Variants in SLF2 observed in about 807,000 individuals in gnomAD.
SLF2 encodes SMC5/6 complex localization factor 2.
A neutral mutation model predicts 124.3 loss-of-function variants in SLF2; 68 were observed. The ratio of observed to expected loss-of-function variants is 0.55; its 90% CI spans 0.45 to 0.67. The LOEUF is 0.67. Ranked by LOEUF, SLF2 falls within the 30% of genes least tolerant of loss-of-function variation. The pLI is 0.00. For synonymous variants in SLF2, 480 were observed against 478.8 expected, an observed-to-expected ratio of 1.00 and a Z score of -0.03; for missense variants, 1,246 against 1,373.7, an observed-to-expected ratio of 0.91 and a Z score of 1.47.
chr10:100,937,596 T>A, intron 10 of SLF2, 119 bp downstream of exon 10: 1 of 736,482 alleles, frequency 1.4e-6, no homozygotes, highest in Non-Finnish European at 2.2e-6. Context: ...ATTATTTTTC[T>A]AATCAAAAGT....
In SLF2 at chr10:100,924,781, A is replaced by G; in HGVS notation, c.1780A>G (p.Lys594Glu). 2 of 1,614,190 alleles carry G rather than the reference A, an allele frequency of 1.2e-6. No homozygotes were observed. The highest frequency in any genetic ancestry group is 1.7e-6 in the Non-Finnish European group (2 of 1,180,034). ...TTCCAATGCAGGTAGCAGTGCACTG[A>G]AAAGAAAACTAAGGGGTGATTTTGA... is the stretch of plus-strand genomic sequence containing the variant. ...GNSNAGSSAL[K>E]RKLRGDFDSD... The change falls in exon 5 of 20, where the codon AAA (lysine) becomes GAA (glutamate). Residue 594 changes from lysine to glutamate, a missense_variant. Lys to Glu is a moderately conservative substitution (Grantham distance 56). Coordinates refer to ENST00000238961, the MANE Select transcript of SLF2 (RefSeq NM_018121.4).
At chr10:100,918,683 A>G (rs1849467244) in intron 4 of SLF2, among the ~76,000 whole-genome samples, 1 of 151,820 alleles carries the variant, frequency 6.6e-6, no homozygotes, top group Non-Finnish European at 1.5e-5. Flanking sequence ...ATGCAGTGGC[A>G]TGATCACGAC....
chr10:100,913,200 T>A lies in SLF2; in HGVS notation c.90T>A (p.Gly30=). ...CCCCGCGCTGCCATCTGAGACCCGG[T>A]AGTACCGCCCATGCTGCAGCGGGAA... ...SSPPRCHLRP[G]STAHAAAGKR... is the part of the protein sequence containing the mutation. Residue 30 remains glycine, a synonymous_variant, in exon 1 of 20, where the codon GGT becomes GGA. Transcript: ENST00000238961. 6.2e-7 allele frequency: 1 copy of A among 1,612,574 alleles called. No homozygotes were observed. The highest frequency in any genetic ancestry group is 8.5e-7 in the Non-Finnish European group (1 of 1,179,458).
At position 100,947,115 on chromosome 10, in the gene SLF2, C is replaced by G; in HGVS notation, c.3011C>G (p.Pro1004Arg). ...HNLLWLVQLV[P>R]NWTSRGRQLR... ...CTCCTGTGGTTGGTACAGCTGGTCC[C>G]TAATTGGACATCACGTGGAAGGTAT... Residue 1004 changes from proline to arginine, a missense_variant, in exon 14 of 20, where the codon CCT becomes CGT. Transcript: ENST00000238961. The G allele has an allele frequency of 6.3e-7, 1 of 1,579,138 alleles. No homozygotes were observed. The highest frequency in any genetic ancestry group is 8.6e-7 in the Non-Finnish European group (1 of 1,166,288).
rs940430903 is a variant in SLF2, at chr10:100,963,839, A to G, written c.*1927A>G. The G allele has an allele frequency of 3.3e-5, 5 of 152,562 alleles. No homozygotes were observed. The highest frequency in any genetic ancestry group is 2.0e-4 in the Admixed American group (3 of 15,280). The allele number at this position is 152,562 out of a possible 1,614,324, so 9.5% of individuals were successfully genotyped here. A position where few individuals can be genotyped will look rare whatever the true frequency, so the allele number is the denominator to read the frequency against. On this transcript the variant is annotated 3_prime_UTR_variant, in exon 20 of 20. Coordinates refer to ENST00000238961, the MANE Select transcript of SLF2 (RefSeq NM_018121.4). Reference sequence around the variant, plus strand: ...AGTTTCAACAGATAACTGTCCATCAAATTTAAAACCACTTTGATACATTTT... The same window carrying G: ...AGTTTCAACAGATAACTGTCCATCAGATTTAAAACCACTTTGATACATTTT...
Position 100,962,714 on chromosome 10 carries a change from T to G in SLF2, c.*802T>G, listed in dbSNP as rs1309766752. The G allele has an allele frequency of 6.6e-6, 1 of 152,640 alleles. No homozygotes were observed. The highest frequency in any genetic ancestry group is 1.9e-4 in the East Asian group (1 of 5,202). 9.5% of individuals were successfully genotyped at this position (152,640 alleles called of 1,614,324 possible). On this transcript the variant is annotated 3_prime_UTR_variant, in exon 20 of 20. Transcript: ENST00000238961. ...GGCTATATCTTAGAATTCTGGCTCT[T>G]GGTAACCATATTACAGAAGTCTATA...
intron 9 of SLF2, among the ~76,000 whole-genome samples, 190 bp downstream of exon 9, chr10:100,931,268 T>C (rs970168390): frequency 6.6e-6 from 1 of 152,252 alleles, no homozygotes; most frequent in African/African-American, 2.4e-5. Flanking sequence ...ATGTAGATAG[T>C]TGTACAGGAC....
chr10:100,913,603 A>T, intron 1 of SLF2: 1 of 1,146,994 alleles, frequency 8.7e-7, no homozygotes, highest in Non-Finnish European at 1.1e-6. Context: ...AGTTCTACTG[A>T]TCCTAGTGGT....
intron 11 of SLF2, among the ~76,000 whole-genome samples, chr10:100,941,971 AG>A (rs1169790410): frequency 2.0e-5 from 3 of 152,344 alleles, no homozygotes; most frequent in Admixed American, 2.0e-4. Flanking sequence ...AAGTGAGAAA[AG>A]GAAGCTGCAA....
At chr10:100,958,962 G>A (rs147810262) in intron 18 of SLF2, among the ~76,000 whole-genome samples, 73 of 152,290 alleles carry the variant, frequency 4.8e-4, no homozygotes, top group East Asian at 3.3e-3. Context: ...GTGAATTTTG[G>A]ATCTTCTAAT....
intron 5 of SLF2, 48 bp from the exon 6 acceptor site, chr10:100,925,901 C>A: frequency 6.6e-7 from 1 of 1,506,990 alleles, no homozygotes; most frequent in Non-Finnish European, 8.9e-7. Context: ...CATCCCAGTT[C>A]TTCTACTAAG....
rs1849563433 is a variant in SLF2, at chr10:100,923,981, C to T, written c.980C>T (p.Ser327Phe). 1.3e-6 allele frequency: 2 copies of T among 1,537,638 alleles called. No homozygotes were observed. The change falls in exon 5 of 20, where the codon TCT (serine) becomes TTT (phenylalanine). Residue 327 changes from serine to phenylalanine, a missense_variant. This residue lies in a region of SLF2 where 698 missense variants were observed against 708.9 expected (regional missense o/e 0.98). Coordinates refer to ENST00000238961, the MANE Select transcript of SLF2 (RefSeq NM_018121.4). ...SDSWEPTSAG[S>F]KQNKFPEKRK... ...AACAAAAATTAAATTTTAGCAGGCT[C>T]TAAGCAGAATAAATTCCCTGAAAAA...
intron 2 of SLF2, 122 bp from the exon 3 acceptor site, chr10:100,916,448 G>T: frequency 2.5e-6 from 2 of 796,094 alleles, no homozygotes; most frequent in South Asian, 1.3e-4. Context: ...CAAGTTGTTG[G>T]TTTGAAAATT....
chr10:100,955,905 CAAA>C (rs56283306), intron 17 of SLF2, among the ~76,000 whole-genome samples: 21 of 136,648 alleles, frequency 1.5e-4, no homozygotes, highest in African/African-American at 1.6e-4. Flanking sequence ...GACTCTGTCT[CAAA>C]AAAAAAAAAA....
Position 100,918,353 on chromosome 10 carries a change from CTTAA to C in SLF2, c.916-24_916-21del, listed in dbSNP as rs769205928. 957 of 1,452,620 alleles carry C rather than the reference CTTAA, an allele frequency of 6.6e-4. 7 individuals carry two copies. The highest frequency in any genetic ancestry group is 4.7e-5 in the Non-Finnish European group (50 of 1,055,276). The allele number at this position is 1,452,620 out of a possible 1,614,324, so 90.0% of individuals were successfully genotyped here. On this transcript the variant is annotated intron_variant, in intron 3 of 19. Transcript: ENST00000238961. ...TTCACATTCTTTACTGTCCCCAACA[CTTAA>C]TTAATTTTATCTCATTGTGCTCATA...
chr10:100,924,288 A>G lies in SLF2; in HGVS notation c.1287A>G (p.Ala429=). ...GGAATAGTGACCAAATCCAAGTGGC[A>G]GGTACCAAGGAGACTAAGATGCAGA... ...STRNSDQIQV[A]GTKETKMQKP... Residue 429 remains alanine, a synonymous_variant, in exon 5 of 20, where the codon GCA becomes GCG. Transcript: ENST00000238961. 1 of 1,614,176 alleles carries G rather than the reference A, an allele frequency of 6.2e-7. No homozygotes were observed. Among genetic ancestry groups the G allele is most frequent in the South Asian group, 1.1e-5 (1 of 91,082 alleles).
chr10:100,919,846 G>A (rs1849493792), intron 4 of SLF2, among the ~76,000 whole-genome samples: 1 of 152,186 alleles, frequency 6.6e-6, no homozygotes. Flanking sequence ...TACTTTTAGA[G>A]ATGGAAAAGC....
rs370003340 is a variant in SLF2 at position 100,937,495 on chromosome 10, T to C, written c.2512+18T>C. 97 of 1,424,942 alleles carry C rather than the reference T, an allele frequency of 6.8e-5. No individual in the cohort carries two copies. The African/African-American group carries it at 1.1e-3, about 16-fold the overall frequency. The allele number at this position is 1,424,942 out of a possible 1,614,324, so 88.3% of individuals were successfully genotyped here. ...TAGAAATGGTAAGTATATCAACTTA[T>C]TAAGATTTACCGTGTGTATTATTGG... is the stretch of plus-strand genomic sequence containing the variant. On this transcript the variant is annotated intron_variant, in intron 10 of 19. Transcript: ENST00000238961.
At chr10:100,916,232 A>T (rs192940001) in intron 2 of SLF2, among the ~76,000 whole-genome samples, 190 bp downstream of exon 2, 1 of 152,280 alleles carries the variant, frequency 6.6e-6, no homozygotes, top group African/African-American at 2.4e-5. Context: ...TTTTGCTGTT[A>T]TGTTTTCTTA....
Sources: gnomAD v4.1 joint callset for allele counts (sites outside exome capture counted in the v4.1 genomes callset) on GRCh38, gnomAD v4.1.1 for gene constraint, gnomAD v4.1.1 regional missense constraint, MANE v1.5 for transcripts, NCBI Gene and HGNC (gene_info 2026-07-23, HGNC 2026-07-21) for gene names.